KLF12: variants seen among roughly 807,000 people sequenced by gnomAD.
KLF12 encodes the protein Krueppel-like factor 12.
Under a neutral mutation model 37.8 loss-of-function variants are expected in KLF12, and 9 were observed. The ratio of observed to expected loss-of-function variants is 0.24; its 90% CI spans 0.14 to 0.42. KLF12 has a LOEUF of 0.42. KLF12 is among the 10% of genes least tolerant of loss of function. The pLI, the probability that KLF12 is intolerant of heterozygous loss-of-function variation, is 1.00. For missense variants in KLF12, 411 were observed against 516.0 expected (o/e 0.80, Z 1.97); for synonymous variants, 208 against 202.1 (o/e 1.03, Z -0.25).
intron 1 of KLF12, among the ~76,000 whole-genome samples, chr13:74,020,275 T>G (rs1194785672): frequency 6.6e-6 from 1 of 152,114 alleles, no homozygotes; most frequent in African/African-American, 2.4e-5. Context: ...ATGCCAAGGA[T>G]AGAATCAAGC....
chr13:73,785,293 T>C (rs1379554119), intron 5 of KLF12, among the ~76,000 whole-genome samples: 2 of 152,026 alleles, frequency 1.3e-5, no homozygotes, highest in Non-Finnish European at 2.9e-5. Flanking sequence ...TTTGTATTTT[T>C]TGTAGAGACA....
At chr13:74,125,157 A>G (rs899354371) in intron 1 of KLF12, among the ~76,000 whole-genome samples, 101 of 146,684 alleles carry the variant, frequency 6.9e-4, no homozygotes, top group African/African-American at 2.4e-3. Flanking sequence ...AAAAAAAAAT[A>G]TATATATATA....
chr13:73,811,706 G>C (rs7983836), intron 5 of KLF12, among the ~76,000 whole-genome samples: 1 of 151,766 alleles, frequency 6.6e-6, no homozygotes, highest in African/African-American at 2.4e-5. Flanking sequence ...GAAGTCACAC[G>C]GCTATTAAGA....
chr13:73,700,035 G>T (rs1353819350), intron 7 of KLF12, among the ~76,000 whole-genome samples: 1 of 152,130 alleles, frequency 6.6e-6, no homozygotes, highest in Non-Finnish European at 1.5e-5. Context: ...GGAGGCTGAG[G>T]TGAGAGGATC....
intron 1 of KLF12, among the ~76,000 whole-genome samples, chr13:74,107,235 AG>A (rs1484402540): frequency 6.6e-6 from 1 of 152,242 alleles, no homozygotes; most frequent in Non-Finnish European, 1.5e-5. Context: ...TTGGAGATTA[AG>A]TTTCAACATA....
At chr13:73,794,107 C>T (rs1881832866) in intron 5 of KLF12, among the ~76,000 whole-genome samples, 1 of 152,220 alleles carries the variant, frequency 6.6e-6, no homozygotes, top group Non-Finnish European at 1.5e-5. Flanking sequence ...AGGGGGTTAT[C>T]AGCTCCTCAA....
chr13:74,017,399 G>A (rs1892719879), intron 1 of KLF12, among the ~76,000 whole-genome samples: 1 of 149,542 alleles, frequency 6.7e-6, no homozygotes, highest in African/African-American at 2.5e-5. Context: ...GATTCTATTT[G>A]AGATCTTATC....
intron 6 of KLF12, among the ~76,000 whole-genome samples, chr13:73,749,290 C>T (rs904226555): frequency 5.3e-5 from 8 of 152,122 alleles, no homozygotes; most frequent in Non-Finnish European, 1.5e-5. Flanking sequence ...ATGAAAATGT[C>T]GTATGCATTA....
At chr13:74,275,795 T>C in the KLF12 span, among the ~76,000 whole-genome samples, 27 of 85,692 alleles carry the variant, frequency 3.2e-4, no homozygotes, top group East Asian at 5.4e-3. Context: ...TCTTTCTTTC[T>C]TTCTTTCTTT....
At chr13:73,710,367 G>A (rs966194535) in intron 7 of KLF12, among the ~76,000 whole-genome samples, 2 of 143,704 alleles carry the variant, frequency 1.4e-5, no homozygotes, top group African/African-American at 5.2e-5. Flanking sequence ...ATTGCATTTC[G>A]AAGATATTGT....
chr13:73,924,202 T>C (rs1889263810), intron 3 of KLF12, among the ~76,000 whole-genome samples: 1 of 152,360 alleles, frequency 6.6e-6, no homozygotes, highest in African/African-American at 2.4e-5. Context: ...ATATGAATTA[T>C]ACAAGGCATT....
At chr13:73,991,960 A>G (rs752970067) in intron 2 of KLF12, among the ~76,000 whole-genome samples, 1 of 152,258 alleles carries the variant, frequency 6.6e-6, no homozygotes, top group Non-Finnish European at 1.5e-5. Flanking sequence ...GCTCACAGAA[A>G]GGCTTGCTCT....
chr13:74,156,288 T>C, the KLF12 span, among the ~76,000 whole-genome samples: 36 of 152,324 alleles, frequency 2.4e-4, no homozygotes, highest in African/African-American at 8.7e-4. Flanking sequence ...TATGTTTCTT[T>C]CTAACCAATT....
intron 2 of KLF12, among the ~76,000 whole-genome samples, chr13:73,975,965 C>A (rs1252562151): frequency 6.6e-6 from 1 of 152,184 alleles, no homozygotes; most frequent in East Asian, 1.9e-4. Context: ...CTTTCCCACA[C>A]TGTATGGAGA....
intron 1 of KLF12, among the ~76,000 whole-genome samples, chr13:73,997,657 T>G (rs1304239772): frequency 1.3e-5 from 2 of 152,178 alleles, no homozygotes; most frequent in Non-Finnish European, 2.9e-5. Context: ...TTTACTTAGC[T>G]CTGCCAAATA....
intron 1 of KLF12, among the ~76,000 whole-genome samples, chr13:74,094,628 A>G (rs1875874222): frequency 1.3e-5 from 2 of 149,268 alleles, no homozygotes; most frequent in Admixed American, 6.7e-5. Flanking sequence ...GAGATGGAGT[A>G]TCACTCTGTT....
At chr13:73,838,125 T>G (rs9530249) in intron 4 of KLF12, among the ~76,000 whole-genome samples, 50,758 of 150,564 alleles carry the variant, frequency 0.34, 9,865 homozygotes, top group Non-Finnish European at 0.45. Flanking sequence ...GGGAATAAAC[T>G]CCAGTTGCAT....
At chr13:73,821,569 G>A (rs1056255466) in intron 4 of KLF12, among the ~76,000 whole-genome samples, 2 of 151,978 alleles carry the variant, frequency 1.3e-5, no homozygotes, top group African/African-American at 2.4e-5. Flanking sequence ...GCTTTTCATC[G>A]ACTTCCTTGA....
At chr13:73,793,626 A>G (rs1348260839) in intron 5 of KLF12, among the ~76,000 whole-genome samples, 2 of 152,188 alleles carry the variant, frequency 1.3e-5, no homozygotes, top group African/African-American at 4.8e-5. Flanking sequence ...AGTATTTCTC[A>G]CATGTAAATT....
Sources: gnomAD v4.1 joint callset for allele counts (sites outside exome capture counted in the v4.1 genomes callset) on GRCh38, gnomAD v4.1.1 for gene constraint, MANE v1.5 for transcripts, NCBI Gene and HGNC (gene_info 2026-07-23, HGNC 2026-07-21) for gene names.